DNAH9: variants seen among roughly 807,000 people sequenced by gnomAD.
The protein encoded by DNAH9 is dynein axonemal heavy chain 9.
In DNAH9, 345 loss-of-function variants were observed where a neutral mutation model predicts 471.6. That is an observed-to-expected ratio of 0.73 (90% CI 0.67 to 0.80). The LOEUF is 0.80. Among genes scored for constraint, DNAH9 ranks in the 30% least tolerant of loss-of-function variants. DNAH9 has a pLI of 0.00. For synonymous variants in DNAH9, 2,093 were observed against 2,123.6 expected (o/e 0.99, Z 0.40); for missense variants, 5,407 against 5,609.2 (o/e 0.96, Z 1.15).
At chr17:11,845,977 C>A (rs1206579596) in intron 49 of DNAH9, among the ~76,000 whole-genome samples, 1 of 151,748 alleles carries the variant, frequency 6.6e-6, no homozygotes, top group Non-Finnish European at 1.5e-5. Flanking sequence ...ATGGTAGTTT[C>A]TTTTGCTGTG....
chr17:11,822,570 C>G lies in DNAH9; in HGVS notation c.8983C>G (p.Arg2995Gly), dbSNP rs139728867. 6.2e-7 allele frequency: 1 copy of G among 1,614,016 alleles called. No homozygotes were observed. The highest frequency in any genetic ancestry group is 8.5e-7 in the Non-Finnish European group (1 of 1,180,034). Residue 2995 changes from arginine to glycine, a missense_variant, in exon 47 of 69, where the codon CGC (arginine) becomes GGC (glycine). Transcript: ENST00000262442. ...PQQALESVSL[R>G]FLQNTEGIEP... ...GCAAGCATTGGAGTCTGTCAGCCTC[C>G]GCTTCTTGCAGAACACAGAGGGCAT...
intron 9 of DNAH9, among the ~76,000 whole-genome samples, chr17:11,638,629 C>T (rs1051260579): frequency 1.4e-4 from 21 of 152,164 alleles, no homozygotes; most frequent in African/African-American, 5.1e-4. Context: ...TTATGATCTG[C>T]CTGCCTCAGC....
intron 58 of DNAH9, among the ~76,000 whole-genome samples, chr17:11,893,178 CAAAAAAA>C (rs58420771): frequency 1.1e-5 from 1 of 95,174 alleles, no homozygotes. Context: ...TTGGCCTTTG[CAAAAAAA>C]AAAAAAAAAA....
chr17:11,925,662 C>T (rs1051719578), intron 62 of DNAH9, among the ~76,000 whole-genome samples: 25 of 152,228 alleles, frequency 1.6e-4, no homozygotes, highest in Non-Finnish European at 2.5e-4. Flanking sequence ...CTCTGCTGCC[C>T]CCGTTGTCCC....
intron 61 of DNAH9, among the ~76,000 whole-genome samples, chr17:11,921,408 C>T (rs538771002): frequency 3.3e-5 from 5 of 151,952 alleles, no homozygotes; most frequent in East Asian, 1.9e-4. Context: ...AGGTCAGTGA[C>T]GCACACCGTA....
chr17:11,768,338 C>T, intron 36 of DNAH9, 115 bp from the exon 37 acceptor site: 1 of 1,088,008 alleles, frequency 9.2e-7, no homozygotes, highest in Non-Finnish European at 1.3e-6. Flanking sequence ...CCGGCAGGCC[C>T]ACACAGGGAG....
chr17:11,734,469 TGAGA>T (rs925765867), intron 28 of DNAH9, among the ~76,000 whole-genome samples: 38 of 152,286 alleles, frequency 2.5e-4, no homozygotes, highest in African/African-American at 8.7e-4. Context: ...GAACCAGAGC[TGAGA>T]GAGAGACTGA....
intron 38 of DNAH9, among the ~76,000 whole-genome samples, chr17:11,772,228 AAT>A (rs1491067896): frequency 2.7e-5 from 4 of 150,614 alleles, no homozygotes; most frequent in African/African-American, 9.8e-5. Flanking sequence ...TAAATAGAAT[AAT>A]AATTTATTCT....
At chr17:11,856,302 A>G (rs1177692489) in intron 50 of DNAH9, among the ~76,000 whole-genome samples, 4 of 152,228 alleles carry the variant, frequency 2.6e-5, no homozygotes, top group Non-Finnish European at 4.4e-5. Context: ...GTAGGATTGT[A>G]GACATGCTGT....
intron 52 of DNAH9, 75 bp downstream of exon 52, chr17:11,871,861 G>A (rs1161985811): frequency 4.7e-6 from 7 of 1,493,902 alleles, no homozygotes; most frequent in African/African-American, 2.8e-5. Flanking sequence ...GTCATAATTC[G>A]CATCCTCTGG....
At position 11,881,373 on chromosome 17, in the gene DNAH9, C is replaced by T. The variant is rs1567872407; in HGVS notation, c.10766C>T (p.Ala3589Val). 6.2e-7 allele frequency: 1 copy of T among 1,613,848 alleles called. No homozygotes were observed. The highest frequency in any genetic ancestry group is 8.5e-7 in the Non-Finnish European group (1 of 1,180,004). The change falls in exon 55 of 69, where the codon GCT becomes GTT. Residue 3589 changes from alanine to valine, a missense_variant. Ala to Val is a moderately conservative substitution (Grantham distance 64). Transcript: ENST00000262442. ...RDGLEDQLLA[A>V]VVSMERPDLE... ...GGCCTGGAGGACCAGTTGCTGGCCG[C>T]TGTGGTCAGCATGGAGAGGCCAGAC... is the stretch of plus-strand genomic sequence containing the variant.
At chr17:11,677,785 A>G (rs1206102606) in intron 17 of DNAH9, among the ~76,000 whole-genome samples, 2 of 151,566 alleles carry the variant, frequency 1.3e-5, no homozygotes, top group Admixed American at 6.6e-5. Context: ...TTCCTCTGCT[A>G]CTTTGAATGT....
At chr17:11,782,090 C>A (rs1009757963) in intron 39 of DNAH9, among the ~76,000 whole-genome samples, 1 of 151,914 alleles carries the variant, frequency 6.6e-6, no homozygotes, top group African/African-American at 2.4e-5. Flanking sequence ...AGAGAGAATT[C>A]AGAGAGAAGA....
intron 26 of DNAH9, chr17:11,705,467 G>A (rs1325535459): frequency 1.3e-5 from 4 of 297,302 alleles, no homozygotes; most frequent in African/African-American, 8.5e-5. Context: ...CATACCAGCT[G>A]TTTGATTATT....
chr17:11,959,579 G>GATTCCAAAAAATA (rs1975907231), intron 67 of DNAH9, among the ~76,000 whole-genome samples: 2 of 152,094 alleles, frequency 1.3e-5, no homozygotes, highest in African/African-American at 2.4e-5. Context: ...TCCAAACAAA[G>GATTCCAAAAAATA]GAAACAGTTT....
chr17:11,797,298 C>T (rs1259557717), intron 42 of DNAH9, among the ~76,000 whole-genome samples: 1 of 152,178 alleles, frequency 6.6e-6, no homozygotes, highest in Non-Finnish European at 1.5e-5. Flanking sequence ...ACCCATCCAT[C>T]CCCATCCATT....
In DNAH9 at chr17:11,769,152, C is replaced by CGT; in HGVS notation, c.7381_7382dup (p.Tyr2462AlafsTer7). On this transcript the variant is annotated frameshift_variant, in exon 38 of 69. Coordinates refer to ENST00000262442, the MANE Select transcript of DNAH9 (RefSeq NM_001372.4). LOFTEE classifies it high-confidence loss of function. ...TTTGGTGCACACGAGTGAGACCATC[C>CGT]GTGTGTGCTACTTCATGGAGCGGTT... 1.2e-6 allele frequency: 2 copies of CGT among 1,614,196 alleles called. No individual in the cohort carries two copies. Among genetic ancestry groups the CGT allele is most frequent in the Non-Finnish European group, 1.7e-6 (2 of 1,180,032 alleles).
intron 41 of DNAH9, 98 bp downstream of exon 41, chr17:11,784,637 A>G (rs1476037415): frequency 3.9e-6 from 6 of 1,534,880 alleles, no homozygotes; most frequent in Non-Finnish European, 4.5e-6. Context: ...GCTCATAGGC[A>G]CAGGCAAAGC....
chr17:11,910,446 C>G (rs1048305821), intron 61 of DNAH9, among the ~76,000 whole-genome samples: 12 of 152,148 alleles, frequency 7.9e-5, no homozygotes, highest in Non-Finnish European at 1.3e-4. Context: ...CATTTTATCT[C>G]TCTATTCATC....
Sources: allele counts gnomAD v4.1 joint callset (sites outside exome capture counted in the v4.1 genomes callset), GRCh38; gene constraint gnomAD v4.1.1; transcripts MANE v1.5; gene names NCBI Gene and HGNC (gene_info 2026-07-23, HGNC 2026-07-21).